The following TRPV1 variants were observed in gnomAD, a reference collection of about 807,000 sequenced individuals.
TRPV1 encodes the protein transient receptor potential cation channel subfamily V member 1, also known as OTRPC1.
TRPV1 carries 82 observed loss-of-function variants against 82.3 expected under a neutral mutation model. That is an observed-to-expected ratio of 1.00 (90% CI 0.83 to 1.20). The LOEUF (loss-of-function observed/expected upper bound fraction) is 1.20, where lower values mean the gene tolerates loss of function less well. Among genes scored for constraint, TRPV1 ranks in the 50% most tolerant of loss-of-function variants. The pLI, the probability that TRPV1 is intolerant of heterozygous loss-of-function variation, is 0.00. For synonymous variants in TRPV1, 515 were observed against 467.7 expected (o/e 1.10, Z -1.30); for missense variants, 1,067 against 1,096.8 (o/e 0.97, Z 0.38).
In TRPV1 at chr17:3,573,762, A is replaced by G. The variant is rs377548141; in HGVS notation, c.1974T>C (p.Ala658=). The G allele has an allele frequency of 6.2e-7, 1 of 1,613,914 alleles. No individual in the cohort carries two copies. The highest frequency in any genetic ancestry group is 1.3e-5 in the African/African-American group (1 of 74,892). ...AGGCCAGCAGCAGGATGATGAAGAC[A>G]GCCTTGAAGTCATAGTTCTCAGTGA... The part of the protein sequence containing the change: ...LEFTENYDFK[A]VFIILLLAYV... The change falls in exon 14 of 17, where the codon GCT becomes GCC. Residue 658 remains alanine, a synonymous_variant. Coordinates refer to ENST00000572705, the MANE Select transcript of TRPV1 (RefSeq NM_080704.4).
intron 10 of TRPV1, among the ~76,000 whole-genome samples, chr17:3,581,669 G>A (rs184318490): frequency 9.2e-5 from 14 of 151,684 alleles, no homozygotes; most frequent in African/African-American, 2.7e-4. Flanking sequence ...GGCGGATCAC[G>A]AGGTCAGGAG....
rs112329953 is a variant in TRPV1 at position 3,568,714 on chromosome 17, A to G, written c.2348-1727T>C. ...GAAAAACGGCAGTCCCTCAAATAAC[A>G]CCAACTTAGCAGCTAAAGATTTTTT... is the stretch of plus-strand genomic sequence containing the variant. On this transcript the variant is annotated intron_variant, in intron 16 of 16. Transcript: ENST00000572705. Among the ~76,000 whole-genome samples, 269 of 152,178 alleles carry G rather than the reference A, an allele frequency of 1.8e-3. 1 individual carries two copies. Among genetic ancestry groups the G allele is most frequent in the African/African-American group, 6.1e-3 (252 of 41,500 alleles).
chr17:3,577,967 C>T, intron 11 of TRPV1: 1 of 557,166 alleles, frequency 1.8e-6, no homozygotes, highest in Non-Finnish European at 3.2e-6. Context: ...TGGTGAGGAG[C>T]TGTGCAAAAT....
chr17:3,573,975 CG>C lies in TRPV1; in HGVS notation c.1781-21del, dbSNP rs773761481. ...CCACCGCTACAGGGCACAGGGAGGGCGGGGTGCCACTGGATAGAAGCCAATA... is the reference window on the plus strand; with the variant it reads ...CCACCGCTACAGGGCACAGGGAGGGCGGGTGCCACTGGATAGAAGCCAATA... On this transcript the variant is annotated intron_variant, in intron 13 of 16. Coordinates refer to ENST00000572705, the MANE Select transcript of TRPV1 (RefSeq NM_080704.4). 2 of 1,565,398 alleles carry C rather than the reference CG, an allele frequency of 1.3e-6. No individual in the cohort carries two copies. Among genetic ancestry groups the C allele is most frequent in the South Asian group, 1.2e-5 (1 of 84,986 alleles).
At chr17:3,590,880 A>C (rs1380030056) in intron 5 of TRPV1, 84 bp downstream of exon 5, 1 of 1,465,758 alleles carries the variant, frequency 6.8e-7, no homozygotes, top group African/African-American at 1.4e-5. Flanking sequence ...ATCCCAGAGA[A>C]GCAAGGAGGC....
At chr17:3,573,594 C>A in intron 14 of TRPV1, 39 bp downstream of exon 14, 1 of 1,553,632 alleles carries the variant, frequency 6.4e-7, no homozygotes, top group Non-Finnish European at 8.7e-7. Flanking sequence ...CGCCCACACT[C>A]TCCGCGCCAC....
chr17:3,600,937 C>T (rs1037284810), intron 2 of TRPV1, among the ~76,000 whole-genome samples: 16 of 152,120 alleles, frequency 1.1e-4, no homozygotes, highest in African/African-American at 1.9e-4. Context: ...TCCAAGTCAG[C>T]GGCTGCTTCA....
At chr17:3,602,797 T>G (rs1567677154) in intron 2 of TRPV1, among the ~76,000 whole-genome samples, 1 of 152,206 alleles carries the variant, frequency 6.6e-6, no homozygotes, top group South Asian at 2.1e-4. Context: ...GAGACAAATT[T>G]CTTTTCTTCA....
At chr17:3,567,196 A>G (rs1259913771) in intron 16 of TRPV1, among the ~76,000 whole-genome samples, 3 of 149,148 alleles carry the variant, frequency 2.0e-5, no homozygotes, top group Non-Finnish European at 4.5e-5. Flanking sequence ...CATCTCTACT[A>G]AAAATACAAA....
In TRPV1 at chr17:3,566,691, AACAT is replaced by A; in HGVS notation, c.*120_*123del. ...ACAGCTTGTCCAGCACAGATTTGGG[AACAT>A]GCTGGGCAGGCACAGACCAGGCCAG... is the stretch of plus-strand genomic sequence containing the variant. On this transcript the variant is annotated 3_prime_UTR_variant, in exon 17 of 17. Coordinates refer to ENST00000572705, the MANE Select transcript of TRPV1 (RefSeq NM_080704.4). 1.6e-6 allele frequency: 2 copies of A among 1,221,212 alleles called. No homozygotes were observed. Among genetic ancestry groups the A allele is most frequent in the African/African-American group, 1.5e-5 (1 of 65,876 alleles). 75.6% of individuals were successfully genotyped at this position (1,221,212 alleles called of 1,614,324 possible).
At chr17:3,605,454 A>G (rs1041924022) in intron 2 of TRPV1, among the ~76,000 whole-genome samples, 1 of 151,912 alleles carries the variant, frequency 6.6e-6, no homozygotes, top group South Asian at 2.1e-4. Flanking sequence ...AGGTTGTAGT[A>G]AGCTGAGATC....
chr17:3,577,235 G>A (rs1483277770), intron 12 of TRPV1, 43 bp from the exon 13 acceptor site: 1 of 1,556,312 alleles, frequency 6.4e-7, no homozygotes, highest in South Asian at 1.2e-5. Context: ...GCCAGGCCCA[G>A]GAGGAGCTGA....
At chr17:3,599,321 C>T (rs1377403771) in intron 2 of TRPV1, among the ~76,000 whole-genome samples, 1 of 152,094 alleles carries the variant, frequency 6.6e-6, no homozygotes, top group Non-Finnish European at 1.5e-5. Flanking sequence ...TTTAACAGTA[C>T]AGTTCAGTGG....
intron 2 of TRPV1, among the ~76,000 whole-genome samples, chr17:3,596,543 A>AG (rs1201386965): frequency 2.0e-5 from 3 of 152,182 alleles, no homozygotes; most frequent in Non-Finnish European, 4.4e-5. Context: ...CTCCACAGAG[A>AG]GGGCGACACG....
chr17:3,605,616 T>C (rs1176412432), intron 2 of TRPV1, among the ~76,000 whole-genome samples: 1 of 152,154 alleles, frequency 6.6e-6, no homozygotes, highest in African/African-American at 2.4e-5. Flanking sequence ...TAACCATGGA[T>C]GGAAACCCTT....
intron 10 of TRPV1, among the ~76,000 whole-genome samples, chr17:3,582,014 C>T (rs1251625835): frequency 3.4e-5 from 5 of 145,366 alleles, no homozygotes; most frequent in South Asian, 2.2e-4. Flanking sequence ...CACGGTGAAA[C>T]CCCGTCTCTA....
intron 2 of TRPV1, among the ~76,000 whole-genome samples, chr17:3,607,055 T>C (rs1465936618): frequency 6.6e-6 from 1 of 151,970 alleles, no homozygotes; most frequent in African/African-American, 2.4e-5. Flanking sequence ...GAAAGAAAAA[T>C]TACAGTAGCA....
intron 7 of TRPV1, 80 bp downstream of exon 7, chr17:3,589,727 G>T (rs1037328313): frequency 1.4e-6 from 2 of 1,481,108 alleles, no homozygotes; most frequent in Non-Finnish European, 1.8e-6. Context: ...GCGACGCCAG[G>T]CTCCCGCAGT....
rs536076980 is a variant in TRPV1 at position 3,600,414 on chromosome 17, C to A, written c.-34+8013G>T. 1.3e-5 allele frequency among the ~76,000 whole-genome samples: 2 copies of A among 152,246 alleles called. 1 individual carries two copies. The highest frequency in any genetic ancestry group is 4.1e-4 in the South Asian group (2 of 4,824). On this transcript the variant is annotated intron_variant, in intron 2 of 16. Transcript: ENST00000572705. The stretch of plus-strand genomic sequence containing the variant: ...ACCAGCCTAGCCAACATAGTGGAAC[C>A]TTGTCTCTACTAAAAATACAAAAAA...
Sources: gnomAD v4.1 joint callset for allele counts (sites outside exome capture counted in the v4.1 genomes callset) on GRCh38, gnomAD v4.1.1 for gene constraint, MANE v1.5 for transcripts, NCBI Gene and HGNC (gene_info 2026-07-23, HGNC 2026-07-21) for gene names.